ONECUT3: variants seen among roughly 807,000 people sequenced by gnomAD.
The protein encoded by ONECUT3 is one cut domain family member 3.
In ONECUT3, 11 loss-of-function variants were observed where a neutral mutation model predicts 16.8. The ratio of observed to expected loss-of-function variants is 0.66; its 90% CI spans 0.41 to 1.09. The LOEUF (loss-of-function observed/expected upper bound fraction) is 1.09. Ranked by LOEUF, ONECUT3 falls within the 50% of genes least tolerant of loss-of-function variation. The pLI is 0.00. For missense variants in ONECUT3, 637 were observed against 629.9 expected (o/e 1.01, Z -0.12); for synonymous variants, 344 against 310.7 (o/e 1.11, Z -1.13).
At chr19:1,770,848 A>G (rs1333533083) in intron 1 of ONECUT3, among the ~76,000 whole-genome samples, 2 of 152,136 alleles carry the variant, frequency 1.3e-5, no homozygotes, top group African/African-American at 4.8e-5. Flanking sequence ...TCACACATAA[A>G]AGGCTCCCTG....
chr19:1,766,750 G>T lies in ONECUT3; in HGVS notation c.1193-8403G>T, dbSNP rs2067994421. The stretch of plus-strand genomic sequence containing the variant: ...TCGGGGAGCCCCACTGTCCCACCCG[G>T]CGCTCCAGGGCAGTGGCTACTGGTC... On this transcript the variant is annotated intron_variant, in intron 1 of 1. Transcript: ENST00000382349. The surrounding 1 kb of genome is among the most constrained non-coding windows in gnomAD (Gnocchi z 4.0). Among the ~76,000 whole-genome samples the T allele has an allele frequency of 6.6e-6, 1 of 152,034 alleles. No homozygotes were observed. The highest frequency in any genetic ancestry group is 6.5e-5 in the Admixed American group (1 of 15,270).
rs1170332141 is a variant in ONECUT3 at position 1,764,560 on chromosome 19, C to T, written c.1192+9706C>T. Among the ~76,000 whole-genome samples, 1 of 151,410 alleles carries T rather than the reference C, an allele frequency of 6.6e-6. No homozygotes were observed. The highest frequency in any genetic ancestry group is 2.4e-5 in the African/African-American group (1 of 41,122). Reference sequence around the variant, plus strand: ...ACCCAGAGTGGAGGGGTAGTGGGAACAGAGTGGGGCCAGATGAGGGGCTGG... The same window carrying T: ...ACCCAGAGTGGAGGGGTAGTGGGAATAGAGTGGGGCCAGATGAGGGGCTGG... On this transcript the variant is annotated intron_variant, in intron 1 of 1. Transcript: ENST00000382349. This position sits in a 1 kb window ranked among gnomAD's most constrained non-coding sequence, Gnocchi z 5.0.
At chr19:1,763,916 A>G (rs1471149061) in intron 1 of ONECUT3, among the ~76,000 whole-genome samples, 4 of 151,798 alleles carry the variant, frequency 2.6e-5, no homozygotes, top group South Asian at 4.2e-4. Context: ...GCTGTTTCCA[A>G]TCGTTCGCGG....
At position 1,762,626 on chromosome 19, in the gene ONECUT3, C is replaced by T. The variant is rs1372470855; in HGVS notation, c.1192+7772C>T. Among the ~76,000 whole-genome samples the T allele has an allele frequency of 6.6e-6, 1 of 152,244 alleles. No individual in the cohort carries two copies. Among genetic ancestry groups the T allele is most frequent in the Non-Finnish European group, 1.5e-5 (1 of 68,044 alleles). The stretch of plus-strand genomic sequence containing the variant: ...CCTGACAGGACCTGGACGCACGTGC[C>T]CCGGCGCCAGGAGACCCGGGACCCG... On this transcript the variant is annotated intron_variant, in intron 1 of 1. Coordinates refer to ENST00000382349, the MANE Select transcript of ONECUT3 (RefSeq NM_001080488.2). The surrounding 1 kb of genome is among the most constrained non-coding windows in gnomAD (Gnocchi z 4.4).
At position 1,776,209 on chromosome 19, in the gene ONECUT3, T is replaced by G. The variant is rs944483132; in HGVS notation, c.*764T>G. 6.6e-6 allele frequency: 1 copy of G among 150,988 alleles called. No homozygotes were observed. The highest frequency in any genetic ancestry group is 1.5e-5 in the Non-Finnish European group (1 of 67,886). 9.4% of individuals were successfully genotyped at this position (150,988 alleles called of 1,614,324 possible). On this transcript the variant is annotated 3_prime_UTR_variant, in exon 2 of 2. Transcript: ENST00000382349. The surrounding 1 kb of genome is among the most constrained non-coding windows in gnomAD (Gnocchi z 4.9). ...CCGCAGGGGACGGGGGGCTCCCACG[T>G]GCGGGTAAATTCCAGACGCCCCCGC...
chr19:1,761,045 C>CT lies in ONECUT3; in HGVS notation c.1192+6214dup, dbSNP rs547570248. On this transcript the variant is annotated intron_variant, in intron 1 of 1. Coordinates refer to ENST00000382349, the MANE Select transcript of ONECUT3 (RefSeq NM_001080488.2). ...ATGGCTTCCCAGCTCCATTCCTGCT[C>CT]TTTTTTTTTTTTTTTTTTTTTTTGG... Among the ~76,000 whole-genome samples the CT allele has an allele frequency of 6.8e-3, 567 of 83,986 alleles. 4 individuals carry two copies. The highest frequency in any genetic ancestry group is 0.014 in the African/African-American group (302 of 21,104). The allele number at this position is 83,986 out of a possible 152,430, so 55.1% of individuals were successfully genotyped here. A position where few individuals can be genotyped will look rare whatever the true frequency, so the allele number is the denominator to read the frequency against.
chr19:1,777,704 T>G lies in ONECUT3; in HGVS notation c.*2259T>G, dbSNP rs141539561. 6.6e-5 allele frequency: 10 copies of G among 152,284 alleles called. No individual in the cohort carries two copies. The highest frequency in any genetic ancestry group is 2.2e-4 in the African/African-American group (9 of 41,538). 9.4% of individuals were successfully genotyped at this position (152,284 alleles called of 1,614,324 possible). A position where few individuals can be genotyped will look rare whatever the true frequency, so the allele number is the denominator to read the frequency against. On this transcript the variant is annotated 3_prime_UTR_variant, in exon 2 of 2. Coordinates refer to ENST00000382349, the MANE Select transcript of ONECUT3 (RefSeq NM_001080488.2). ...ACGTTTTAATTTCTTTTTAAAAAGCTTTAGGTCTTGCCGGGCGCGGTGGTT... is the reference window on the plus strand; with the variant it reads ...ACGTTTTAATTTCTTTTTAAAAAGCGTTAGGTCTTGCCGGGCGCGGTGGTT...
Position 1,776,758 on chromosome 19 carries a change from AT to A in ONECUT3, c.*1314del, listed in dbSNP as rs2068112430. 6.6e-6 allele frequency: 1 copy of A among 150,830 alleles called. No homozygotes were observed. The highest frequency in any genetic ancestry group is 1.5e-5 in the Non-Finnish European group (1 of 67,766). 9.3% of individuals were successfully genotyped at this position (150,830 alleles called of 1,614,324 possible). A position where few individuals can be genotyped will look rare whatever the true frequency, so the allele number is the denominator to read the frequency against. ...GTCTAGAAGGAACCTCCTCCCTGAAATCCCCCCACTCATCGGCTGCCTCCCA... is the reference window on the plus strand; with the variant it reads ...GTCTAGAAGGAACCTCCTCCCTGAAACCCCCCACTCATCGGCTGCCTCCCA... On this transcript the variant is annotated 3_prime_UTR_variant, in exon 2 of 2. Transcript: ENST00000382349. This position sits in a 1 kb window ranked among gnomAD's most constrained non-coding sequence, Gnocchi z 4.9.
At chr19:1,769,464 C>T (rs987626322) in intron 1 of ONECUT3, among the ~76,000 whole-genome samples, 4 of 152,190 alleles carry the variant, frequency 2.6e-5, no homozygotes, top group East Asian at 1.9e-4. Flanking sequence ...GCTTCACCCC[C>T]GTCCCCACTC....
rs1216687581 is a variant in ONECUT3, at chr19:1,780,525, T to G, written c.*5080T>G. ...GGGCCGCTTTTGGGACAGGCCCCAG[T>G]AGGGGGGGGCGGGGTAGCTAAACGG... is the stretch of plus-strand genomic sequence containing the variant. On this transcript the variant is annotated 3_prime_UTR_variant, in exon 2 of 2. Transcript: ENST00000382349. The G allele has an allele frequency of 6.7e-6, 1 of 148,432 alleles. No individual in the cohort carries two copies. Among genetic ancestry groups the G allele is most frequent in the Admixed American group, 6.7e-5 (1 of 14,992 alleles). 9.2% of individuals were successfully genotyped at this position (148,432 alleles called of 1,614,324 possible).
intron 1 of ONECUT3, among the ~76,000 whole-genome samples, chr19:1,757,776 A>G (rs890847787): frequency 6.6e-6 from 1 of 152,210 alleles, no homozygotes; most frequent in Non-Finnish European, 1.5e-5. Flanking sequence ...GTGGCGGCAA[A>G]TCGCGGCGGT....
At chr19:1,756,022 G>A (rs561084498) in intron 1 of ONECUT3, among the ~76,000 whole-genome samples, 3 of 152,288 alleles carry the variant, frequency 2.0e-5, no homozygotes, top group East Asian at 3.9e-4. Flanking sequence ...CCGAGCACAA[G>A]GGCGAGAAAG....
Position 1,764,811 on chromosome 19 carries a change from C to T in ONECUT3, c.1192+9957C>T, listed in dbSNP as rs1021456257. On this transcript the variant is annotated intron_variant, in intron 1 of 1. Coordinates refer to ENST00000382349, the MANE Select transcript of ONECUT3 (RefSeq NM_001080488.2). This position sits in a 1 kb window ranked among gnomAD's most constrained non-coding sequence, Gnocchi z 5.0. The stretch of plus-strand genomic sequence containing the variant: ...CTGGAGAGGCCACGGGGGGGGGATG[C>T]GCAGGGGGGACAAGACACCAGCATG... Among the ~76,000 whole-genome samples the T allele has an allele frequency of 3.9e-5, 5 of 128,050 alleles. No homozygotes were observed. The highest frequency in any genetic ancestry group is 8.2e-5 in the Non-Finnish European group (5 of 60,716). 84.0% of individuals were successfully genotyped at this position (128,050 alleles called of 152,430 possible).
intron 1 of ONECUT3, 90 bp from the exon 2 acceptor site, chr19:1,775,063 T>G (rs1246943702): frequency 1.3e-6 from 1 of 794,136 alleles, no homozygotes; most frequent in South Asian, 1.9e-5. Context: ...CTCCTCATCC[T>G]CCGGGCGGCG....
rs2067925917 is a variant in ONECUT3 at position 1,758,023 on chromosome 19, C to CA, written c.1192+3169_1192+3170insA. Among the ~76,000 whole-genome samples the CA allele has an allele frequency of 6.6e-6, 1 of 152,202 alleles. No individual in the cohort carries two copies. Among genetic ancestry groups the CA allele is most frequent in the Non-Finnish European group, 1.5e-5 (1 of 68,028 alleles). ...GCCCCGGGTCTCCCGTCGCGCTTGC[C>CA]CGGCTCGGGGCGGGCCACGCGTTTC... is the stretch of plus-strand genomic sequence containing the variant. On this transcript the variant is annotated intron_variant, in intron 1 of 1. Coordinates refer to ENST00000382349, the MANE Select transcript of ONECUT3 (RefSeq NM_001080488.2). The surrounding 1 kb of genome is among the most constrained non-coding windows in gnomAD (Gnocchi z 5.9).
rs959237825 is a variant in ONECUT3 at position 1,779,140 on chromosome 19, T to C, written c.*3695T>C. ...GAAATACCTCAAAATATTTAATGTATAGTTTATGTGATTAAAAAAAAATCC... is the reference window on the plus strand; with the variant it reads ...GAAATACCTCAAAATATTTAATGTACAGTTTATGTGATTAAAAAAAAATCC... On this transcript the variant is annotated 3_prime_UTR_variant, in exon 2 of 2. Transcript: ENST00000382349. The C allele has an allele frequency of 2.6e-5, 4 of 151,746 alleles. No individual in the cohort carries two copies. The highest frequency in any genetic ancestry group is 5.9e-5 in the Non-Finnish European group (4 of 68,010). The allele number at this position is 151,746 out of a possible 1,614,324, so 9.4% of individuals were successfully genotyped here.
At chr19:1,756,887 A>G (rs2067919100) in intron 1 of ONECUT3, among the ~76,000 whole-genome samples, 1 of 151,614 alleles carries the variant, frequency 6.6e-6, no homozygotes, top group African/African-American at 2.4e-5. Flanking sequence ...TTGCCATCAC[A>G]CCAGTAAGGC....
rs981304594 is a variant in ONECUT3, at chr19:1,780,736, G to A, written c.*5291G>A. The stretch of plus-strand genomic sequence containing the variant: ...AGCAAAATCAGGCCAGTAGACTCCT[G>A]GGGCTCCTCCTCGTGGCCCTGTCAG... On this transcript the variant is annotated 3_prime_UTR_variant, in exon 2 of 2. Transcript: ENST00000382349. 6.6e-5 allele frequency: 10 copies of A among 152,152 alleles called. No homozygotes were observed. Among genetic ancestry groups the A allele is most frequent in the Non-Finnish European group, 1.2e-4 (8 of 68,032 alleles). The allele number at this position is 152,152 out of a possible 1,614,324, so 9.4% of individuals were successfully genotyped here. A position where few individuals can be genotyped will look rare whatever the true frequency, so the allele number is the denominator to read the frequency against.
In ONECUT3 at chr19:1,754,238, GC is replaced by G; in HGVS notation, c.579del (p.Ala194ProfsTer141). 2 of 1,087,880 alleles carry G rather than the reference GC, an allele frequency of 1.8e-6. No homozygotes were observed. Among genetic ancestry groups the G allele is most frequent in the Non-Finnish European group, 2.2e-6 (2 of 896,540 alleles). 67.4% of individuals were successfully genotyped at this position (1,087,880 alleles called of 1,614,324 possible). ...TCTACGGACCCTACGGCAAGGAGCTGCCCGCCATGGGGTCGCCGCTGTCGCC... is the reference window on the plus strand; with the variant it reads ...TCTACGGACCCTACGGCAAGGAGCTGCCGCCATGGGGTCGCCGCTGTCGCC... ...HLYGPYGKEL[P>X]AMGSPLSPLP... On this transcript the variant is annotated frameshift_variant, in exon 1 of 2. Coordinates refer to ENST00000382349, the MANE Select transcript of ONECUT3 (RefSeq NM_001080488.2). LOFTEE classifies it high-confidence loss of function. The surrounding 1 kb of genome is among the most constrained non-coding windows in gnomAD (Gnocchi z 7.4).
Sources: gnomAD v4.1 joint callset for allele counts (sites outside exome capture counted in the v4.1 genomes callset) on GRCh38, gnomAD v4.1.1 for gene constraint, Gnocchi (gnomAD v3.1) non-coding constraint, MANE v1.5 for transcripts, NCBI Gene and HGNC (gene_info 2026-07-23, HGNC 2026-07-21) for gene names.